The following MITF variants were observed in gnomAD, a reference collection of about 807,000 sequenced individuals.
MITF encodes microphthalmia-associated transcription factor.
MITF carries 17 observed loss-of-function variants against 60.5 expected under a neutral mutation model. The observed-to-expected ratio is 0.28, with a 90% CI of 0.19 to 0.42. The LOEUF (loss-of-function observed/expected upper bound fraction) is 0.42. MITF is among the 10% of genes least tolerant of loss of function. MITF has a pLI of 1.00. For synonymous variants in MITF, 260 were observed against 248.5 expected, an observed-to-expected ratio of 1.05 and a Z score of -0.43; for missense variants, 622 against 683.5, an observed-to-expected ratio of 0.91 and a Z score of 1.00.
At chr3:69,879,413 C>G (rs2107279258) in intron 2 of MITF, 30 bp downstream of exon 2, 1 of 1,614,010 alleles carries the variant, frequency 6.2e-7, no homozygotes, top group Non-Finnish European at 8.5e-7. Context: ...GTTGGTTGGA[C>G]CAAACTCTCT....
At chr3:69,763,450 C>A (rs1170984382) in intron 1 of MITF, 1 of 949,734 alleles carries the variant, frequency 1.1e-6, no homozygotes, top group Non-Finnish European at 1.3e-6. Flanking sequence ...GCACCTCCCT[C>A]CTTCCTGGCT....
intron 1 of MITF, among the ~76,000 whole-genome samples, chr3:69,754,587 C>T (rs1402390660): frequency 6.6e-6 from 1 of 152,022 alleles, no homozygotes; most frequent in African/African-American, 2.4e-5. Flanking sequence ...ATCATGCTTC[C>T]TGTACAGCCT....
chr3:69,808,166 T>G (rs7650137), intron 1 of MITF, among the ~76,000 whole-genome samples: 74,601 of 148,590 alleles, frequency 0.5, 20,377 homozygotes, highest in Non-Finnish European at 0.63. Flanking sequence ...TAGAGTGTTC[T>G]GTTACAAGAT....
At chr3:69,800,407 A>C (rs574811812) in intron 1 of MITF, among the ~76,000 whole-genome samples, 1 of 152,202 alleles carries the variant, frequency 6.6e-6, no homozygotes, top group South Asian at 2.1e-4. Context: ...TTCTTGTACA[A>C]GTTTTTGTGT....
At chr3:69,767,593 C>T (rs1235690612) in intron 1 of MITF, among the ~76,000 whole-genome samples, 1 of 151,806 alleles carries the variant, frequency 6.6e-6, no homozygotes, top group Non-Finnish European at 1.5e-5. Flanking sequence ...TCAAACAAAA[C>T]AAAACAAAAC....
intron 2 of MITF, among the ~76,000 whole-genome samples, chr3:69,893,588 A>G (rs1485052206): frequency 6.6e-6 from 1 of 152,210 alleles, no homozygotes; most frequent in Non-Finnish European, 1.5e-5. Flanking sequence ...CACAGTCCAC[A>G]GTAATTGAGC....
At chr3:69,792,110 A>G (rs1420582660) in intron 1 of MITF, among the ~76,000 whole-genome samples, 2 of 152,208 alleles carry the variant, frequency 1.3e-5, no homozygotes, top group East Asian at 1.9e-4. Flanking sequence ...GAAAAGAGAT[A>G]TGACTAGTTG....
intron 9 of MITF, among the ~76,000 whole-genome samples, chr3:69,963,970 C>CTTTTTTTTTTTTTTTTTTTTT (rs56921812): frequency 1.2e-5 from 1 of 86,124 alleles, no homozygotes. Flanking sequence ...TTTTTCTTTT[C>CTTTTTTTTTTTTTTTTTTTTT]TTTTTTTTTT....
At chr3:69,825,974 T>C (rs191377381) in intron 1 of MITF, among the ~76,000 whole-genome samples, 34 of 152,356 alleles carry the variant, frequency 2.2e-4, no homozygotes, top group African/African-American at 8.2e-4. Flanking sequence ...AATTAAATGA[T>C]ATTTTAGTCC....
chr3:69,838,451 A>G (rs2063573731), intron 1 of MITF: 1 of 152,612 alleles, frequency 6.6e-6, no homozygotes, highest in Non-Finnish European at 1.5e-5. Context: ...CTGAATGATT[A>G]CTCATCCACT....
At chr3:69,933,420 T>G (rs568758033) in intron 2 of MITF, among the ~76,000 whole-genome samples, 1 of 152,184 alleles carries the variant, frequency 6.6e-6, no homozygotes, top group Non-Finnish European at 1.5e-5. Flanking sequence ...ATGAAACTGA[T>G]GGAAAATAAC....
chr3:69,936,342 A>G (rs1467386066), intron 2 of MITF, among the ~76,000 whole-genome samples: 8 of 152,204 alleles, frequency 5.3e-5, no homozygotes, highest in Non-Finnish European at 1.0e-4. Context: ...TACTACTGGA[A>G]CTAAAGATGA....
At chr3:69,913,618 T>C (rs563383576) in intron 2 of MITF, among the ~76,000 whole-genome samples, 1 of 152,336 alleles carries the variant, frequency 6.6e-6, no homozygotes, top group Non-Finnish European at 1.5e-5. Flanking sequence ...TGACTGCATC[T>C]CATTTATGAT....
At position 69,965,979 on chromosome 3, in the gene MITF, G is replaced by GT. The variant is rs1422705205; in HGVS notation, c.*736dup. On this transcript the variant is annotated 3_prime_UTR_variant, in exon 10 of 10. Coordinates refer to ENST00000352241, the MANE Select transcript of MITF (RefSeq NM_001354604.2). ...TTTCTTCATCAATGAGTGTGATCCA[G>GT]TTTTTCATAAGATATTTTATTTTGA... 3 of 231,634 alleles carry GT rather than the reference G, an allele frequency of 1.3e-5. No homozygotes were observed. The highest frequency in any genetic ancestry group is 2.2e-5 in the African/African-American group (1 of 45,220). 14.3% of individuals were successfully genotyped at this position (231,634 alleles called of 1,614,324 possible).
chr3:69,866,401 T>C, intron 1 of MITF: 1 of 1,606,228 alleles, frequency 6.2e-7, no homozygotes, highest in Non-Finnish European at 8.5e-7. Flanking sequence ...AGGAGCAGTT[T>C]TTTTTCTCTT....
chr3:69,899,467 G>T (rs1169101560), intron 2 of MITF, among the ~76,000 whole-genome samples: 3 of 152,144 alleles, frequency 2.0e-5, no homozygotes, highest in Admixed American at 2.0e-4. Context: ...TATAGGCTAG[G>T]GGAGCCACAC....
intron 1 of MITF, among the ~76,000 whole-genome samples, chr3:69,847,991 T>C (rs1446287346): frequency 6.6e-6 from 1 of 152,254 alleles, no homozygotes. Context: ...CAACTCCTTC[T>C]TTTCTATTTC....
intron 1 of MITF, among the ~76,000 whole-genome samples, chr3:69,816,484 T>G (rs1371376439): frequency 6.6e-6 from 1 of 152,230 alleles, no homozygotes; most frequent in Non-Finnish European, 1.5e-5. Context: ...TATTTTTGTC[T>G]GATTTTCTAG....
intron 1 of MITF, among the ~76,000 whole-genome samples, chr3:69,847,976 A>G (rs2063760426): frequency 2.6e-5 from 4 of 152,230 alleles, no homozygotes; most frequent in Admixed American, 1.3e-4. Context: ...ATTTCCCATC[A>G]GCTTCAACTC....
Sources: allele counts gnomAD v4.1 joint callset (sites outside exome capture counted in the v4.1 genomes callset), GRCh38; gene constraint gnomAD v4.1.1; transcripts MANE v1.5; gene names NCBI Gene and HGNC (gene_info 2026-07-23, HGNC 2026-07-21).